KIAA0040: variants seen among roughly 807,000 people sequenced by gnomAD.
The protein encoded by KIAA0040 is uncharacterized protein KIAA0040.
A neutral mutation model predicts 7.2 loss-of-function variants in KIAA0040; 10 were observed. The observed-to-expected ratio is 1.38, with a 90% CI of 0.85 to 2.34. The LOEUF (loss-of-function observed/expected upper bound fraction) is 2.34. Ranked by LOEUF, KIAA0040 falls within the 30% of genes most tolerant of loss-of-function variation. The pLI is 0.00. For synonymous variants in KIAA0040, 49 were observed against 40.1 expected (o/e 1.22, Z -0.84); for missense variants, 89 against 108.2 (o/e 0.82, Z 0.79).
intron 3 of KIAA0040, among the ~76,000 whole-genome samples, chr1:175,163,257 A>T (rs1676623450): frequency 6.6e-6 from 1 of 152,248 alleles, no homozygotes; most frequent in Non-Finnish European, 1.5e-5. Context: ...TGCTTATCCC[A>T]GTCTATTGTA....
At chr1:175,162,231 G>A (rs1196891843) in intron 3 of KIAA0040, among the ~76,000 whole-genome samples, 1 of 152,178 alleles carries the variant, frequency 6.6e-6, no homozygotes, top group Non-Finnish European at 1.5e-5. Context: ...TAAGAGGCCT[G>A]TTGGTGTAAG....
intron 2 of KIAA0040, among the ~76,000 whole-genome samples, chr1:175,172,392 G>A (rs905527509): frequency 6.6e-6 from 1 of 152,152 alleles, no homozygotes; most frequent in African/African-American, 2.4e-5. Flanking sequence ...GGGCAACATA[G>A]CAAGATCCTA....
intron 1 of KIAA0040, among the ~76,000 whole-genome samples, chr1:175,188,113 A>G (rs943580843): frequency 6.6e-6 from 1 of 152,186 alleles, no homozygotes; most frequent in Non-Finnish European, 1.5e-5. Context: ...TTTATTTCTT[A>G]GTGACAAACT....
At chr1:175,188,396 G>T (rs1677745917) in intron 1 of KIAA0040, among the ~76,000 whole-genome samples, 2 of 152,162 alleles carry the variant, frequency 1.3e-5, no homozygotes, top group Admixed American at 1.3e-4. Flanking sequence ...GTCTTTCAAA[G>T]AATTTGCACT....
At chr1:175,181,708 C>T (rs1261547482) in intron 1 of KIAA0040, among the ~76,000 whole-genome samples, 3 of 152,170 alleles carry the variant, frequency 2.0e-5, no homozygotes, top group African/African-American at 7.2e-5. Context: ...ATGGAAGTAG[C>T]AAGGAGGGAG....
chr1:175,191,418 G>C (rs1677860074), intron 1 of KIAA0040, among the ~76,000 whole-genome samples: 2 of 152,186 alleles, frequency 1.3e-5, no homozygotes, highest in South Asian at 4.1e-4. Flanking sequence ...TCCTAAAATT[G>C]TATCTGGGAT....
At chr1:175,170,673 TCTGA>T (rs1466714549) in intron 2 of KIAA0040, among the ~76,000 whole-genome samples, 1 of 152,138 alleles carries the variant, frequency 6.6e-6, no homozygotes, top group East Asian at 1.9e-4. Flanking sequence ...CTGCTCTCTC[TCTGA>T]CTATGTCCTG....
intron 2 of KIAA0040, among the ~76,000 whole-genome samples, chr1:175,175,636 T>C (rs1377355362): frequency 6.6e-6 from 1 of 152,136 alleles, no homozygotes; most frequent in African/African-American, 2.4e-5. Context: ...CAAATGTCCA[T>C]CAATGATAGA....
intron 2 of KIAA0040, among the ~76,000 whole-genome samples, chr1:175,169,592 G>A (rs1676905368): frequency 6.6e-6 from 1 of 152,212 alleles, no homozygotes; most frequent in African/African-American, 2.4e-5. Flanking sequence ...TTTTTCAAAT[G>A]TGAGATGGTT....
At position 175,176,669 on chromosome 1, in the gene KIAA0040, C is replaced by CTTTTTTTTTTTTTTTTTTTTTTTTTTTTT. The variant is rs34859478; in HGVS notation, c.-310+913_-310+941dup. 1.8e-4 allele frequency among the ~76,000 whole-genome samples: 5 copies of CTTTTTTTTTTTTTTTTTTTTTTTTTTTTT among 27,466 alleles called. 2 individuals carry two copies. Among genetic ancestry groups the CTTTTTTTTTTTTTTTTTTTTTTTTTTTTT allele is most frequent in the Non-Finnish European group, 4.1e-4 (5 of 12,254 alleles). The allele number at this position is 27,466 out of a possible 152,430, so 18.0% of individuals were successfully genotyped here. Reference sequence around the variant, plus strand: ...ATCCAGTGTCAGGTTAAGTAGCATGCTTTTTTTTTTTTTTTTTTTTTTTTT... The same window carrying CTTTTTTTTTTTTTTTTTTTTTTTTTTTTT: ...ATCCAGTGTCAGGTTAAGTAGCATGCTTTTTTTTTTTTTTTTTTTTTTTTTTTTTTTTTTTTTTTTTTTTTTTTTTTTTT... On this transcript the variant is annotated intron_variant, in intron 2 of 3. Coordinates refer to ENST00000423313, the MANE Select transcript of KIAA0040 (RefSeq NM_014656.3).
intron 1 of KIAA0040, among the ~76,000 whole-genome samples, chr1:175,191,741 T>A (rs1273128893): frequency 6.6e-6 from 1 of 152,236 alleles, no homozygotes; most frequent in Non-Finnish European, 1.5e-5. Context: ...CAGGTCCTTA[T>A]GAGCTGTAGC....
chr1:175,173,695 C>T (rs3820176), intron 2 of KIAA0040, among the ~76,000 whole-genome samples: 19,231 of 152,162 alleles, frequency 0.13, 1,333 homozygotes, highest in East Asian at 0.23. Flanking sequence ...GTGCGTCACA[C>T]CCTGTGGGTG....
chr1:175,183,399 T>C (rs1433916462), intron 1 of KIAA0040, among the ~76,000 whole-genome samples: 1 of 152,220 alleles, frequency 6.6e-6, no homozygotes, highest in Non-Finnish European at 1.5e-5. Context: ...GCTATGTCCA[T>C]GGGCCAGGAA....
intron 2 of KIAA0040, among the ~76,000 whole-genome samples, chr1:175,172,938 A>T (rs901806061): frequency 1.3e-5 from 2 of 152,228 alleles, no homozygotes; most frequent in Non-Finnish European, 2.9e-5. Flanking sequence ...TACTATTCAC[A>T]TTGTGTGAAA....
intron 2 of KIAA0040, among the ~76,000 whole-genome samples, chr1:175,176,036 A>C (rs1205784731): frequency 6.6e-6 from 1 of 152,216 alleles, no homozygotes; most frequent in Non-Finnish European, 1.5e-5. Context: ...AAAAATAAAA[A>C]TAAAAAAATA....
rs531727846 is a variant in KIAA0040, at chr1:175,165,394, T to C, written c.-134+1168A>G. Among the ~76,000 whole-genome samples the C allele has an allele frequency of 8.5e-4, 129 of 152,344 alleles. 1 individual carries two copies. The South Asian group carries it at 0.025, about 30-fold the overall frequency. ...TAACTGTAAAATACTTACACAAATATAATCCATAAAATAGTGAGTTATCTT... is the reference window on the plus strand; with the variant it reads ...TAACTGTAAAATACTTACACAAATACAATCCATAAAATAGTGAGTTATCTT... On this transcript the variant is annotated intron_variant, in intron 3 of 3. Transcript: ENST00000423313.
At chr1:175,179,799 T>G (rs752425938) in intron 1 of KIAA0040, among the ~76,000 whole-genome samples, 4 of 152,226 alleles carry the variant, frequency 2.6e-5, no homozygotes, top group Non-Finnish European at 5.9e-5. Context: ...ATGAATAATC[T>G]TTTCATAGTA....
chr1:175,162,665 A>G (rs1676592873), intron 3 of KIAA0040, among the ~76,000 whole-genome samples: 1 of 152,170 alleles, frequency 6.6e-6, no homozygotes, highest in Non-Finnish European at 1.5e-5. Context: ...TGTTTTCTAC[A>G]TGATGCCCCA....
chr1:175,161,151 A>G lies in KIAA0040; in HGVS notation c.-133-5T>C, dbSNP rs1676528589. ...TGGGCATGCCACTGGCAGCACCTGA[A>G]GAGATTAAAACAGACAACTGAAGAG... On this transcript the variant is annotated splice_region_variant and splice_polypyrimidine_tract_variant and intron_variant, in intron 3 of 3. Coordinates refer to ENST00000423313, the MANE Select transcript of KIAA0040 (RefSeq NM_014656.3). 10 of 696,252 alleles carry G rather than the reference A, an allele frequency of 1.4e-5. No homozygotes were observed. The highest frequency in any genetic ancestry group is 3.0e-5 in the Admixed American group (1 of 33,130). The allele number at this position is 696,252 out of a possible 1,614,324, so 43.1% of individuals were successfully genotyped here.
Sources: allele counts gnomAD v4.1 joint callset (sites outside exome capture counted in the v4.1 genomes callset), GRCh38; gene constraint gnomAD v4.1.1; transcripts MANE v1.5; gene names NCBI Gene and HGNC (gene_info 2026-07-23, HGNC 2026-07-21).